Variants in ATP6V0E1 observed in about 807,000 individuals in gnomAD.
ATP6V0E1 encodes V-type proton ATPase subunit e 1.
A neutral mutation model predicts 11.6 loss-of-function variants in ATP6V0E1; 4 were observed. The observed-to-expected ratio is 0.35, with a 90% CI of 0.17 to 0.79. The LOEUF (loss-of-function observed/expected upper bound fraction) is 0.79. Ranked by LOEUF, ATP6V0E1 falls within the 30% of genes least tolerant of loss-of-function variation. The pLI is 0.54. For synonymous variants in ATP6V0E1, 36 were observed against 34.8 expected (o/e 1.04, Z -0.13); for missense variants, 105 against 100.0 (o/e 1.05, Z -0.21).
At chr5:172,986,190 T>C (rs1755894365) in intron 1 of ATP6V0E1, among the ~76,000 whole-genome samples, 1 of 152,242 alleles carries the variant, frequency 6.6e-6, no homozygotes, top group Non-Finnish European at 1.5e-5. Flanking sequence ...ATGGTGGACT[T>C]TAGAAACACT....
intron 1 of ATP6V0E1, among the ~76,000 whole-genome samples, chr5:172,992,106 A>C (rs1169071609): frequency 8.7e-5 from 13 of 149,490 alleles, no homozygotes; most frequent in Admixed American, 1.3e-4. Flanking sequence ...GCTGGAGTGC[A>C]GTGGCGCGAT....
Position 173,017,836 on chromosome 5 carries a change from T to G in ATP6V0E1, c.153-2402T>G, listed in dbSNP as rs546024313. 1.4e-4 allele frequency among the ~76,000 whole-genome samples: 19 copies of G among 133,652 alleles called. No homozygotes were observed. In the East Asian group the frequency reaches 3.5e-3, roughly 24 times the overall value. The allele number at this position is 133,652 out of a possible 152,430, so 87.7% of individuals were successfully genotyped here. A position where few individuals can be genotyped will look rare whatever the true frequency, so the allele number is the denominator to read the frequency against. ...AGCCTGGACAACAGAACGAGACTCC[T>G]TCTCAAAAAAAAAAAAAAAAAAAAG... On this transcript the variant is annotated intron_variant, in intron 2 of 3. Coordinates refer to ENST00000519374, the MANE Select transcript of ATP6V0E1 (RefSeq NM_003945.4).
chr5:173,028,119 G>T (rs1184727579), intron 3 of ATP6V0E1, among the ~76,000 whole-genome samples: 1 of 152,140 alleles, frequency 6.6e-6, no homozygotes, highest in Non-Finnish European at 1.5e-5. Flanking sequence ...ACTAAAGTTG[G>T]TTCTTTTAAA....
intron 2 of ATP6V0E1, among the ~76,000 whole-genome samples, chr5:173,008,042 C>G (rs1756255524): frequency 6.6e-6 from 1 of 152,190 alleles, no homozygotes; most frequent in Admixed American, 6.5e-5. Flanking sequence ...GTAGGCTTCA[C>G]CAGAGGTTCT....
chr5:172,983,847 C>T lies in ATP6V0E1; in HGVS notation c.-14C>T. 2 of 1,613,204 alleles carry T rather than the reference C, an allele frequency of 1.2e-6. No individual in the cohort carries two copies. Among genetic ancestry groups the T allele is most frequent in the Non-Finnish European group, 1.7e-6 (2 of 1,179,392 alleles). On this transcript the variant is annotated 5_prime_UTR_variant, in exon 1 of 4. Coordinates refer to ENST00000519374, the MANE Select transcript of ATP6V0E1 (RefSeq NM_003945.4). ...TGAGGCGACGGGGTAGGGGTTGGCG[C>T]TCAGGCGGCGACCATGGCGTATCAC...
intron 3 of ATP6V0E1, among the ~76,000 whole-genome samples, chr5:173,027,501 CAA>C (rs376278744): frequency 7.2e-6 from 1 of 139,312 alleles, no homozygotes. Context: ...GACTCCGTCT[CAA>C]AAAAAAAAAA....
chr5:172,983,830 C>T lies in ATP6V0E1; in HGVS notation c.-31C>T, dbSNP rs1215004295. On this transcript the variant is annotated 5_prime_UTR_variant, in exon 1 of 4. In the 5' UTR this introduces an upstream ATG that the reference lacks. Transcript: ENST00000519374. Reference sequence around the variant, plus strand: ...TCCTGGTGGGATCCGAGTGAGGCGACGGGGTAGGGGTTGGCGCTCAGGCGG... The same window carrying T: ...TCCTGGTGGGATCCGAGTGAGGCGATGGGGTAGGGGTTGGCGCTCAGGCGG... The T allele has an allele frequency of 4.4e-6, 7 of 1,601,496 alleles. No individual in the cohort carries two copies. The highest frequency in any genetic ancestry group is 1.7e-4 in the Middle Eastern group (1 of 5,882).
chr5:173,016,407 A>G (rs563504093), intron 2 of ATP6V0E1, among the ~76,000 whole-genome samples: 1 of 152,318 alleles, frequency 6.6e-6, no homozygotes, highest in South Asian at 2.1e-4. Context: ...AAAGGAGTCA[A>G]TGTTTTTTCC....
At position 172,983,888 on chromosome 5, in the gene ATP6V0E1, C is replaced by A; in HGVS notation, c.28C>A (p.Leu10Ile). 1.2e-6 allele frequency: 2 copies of A among 1,613,738 alleles called. No homozygotes were observed. Among genetic ancestry groups the A allele is most frequent in the East Asian group, 2.2e-5 (1 of 44,874 alleles). ...GGCGTATCACGGCCTCACTGTGCCT[C>A]TCATTGTGATGAGCGTGTTCTGGGG... is the stretch of plus-strand genomic sequence containing the variant. MAYHGLTVP[L>I]IVMSVFWGFV... Residue 10 changes from leucine to isoleucine, a missense_variant, in exon 1 of 4, where the codon CTC (leucine) becomes ATC (isoleucine). Physicochemically the swap from Leu to Ile is conservative, Grantham distance 5 (BLOSUM62 2). Transcript: ENST00000519374.
At chr5:172,987,717 A>ATT (rs111856900) in intron 1 of ATP6V0E1, among the ~76,000 whole-genome samples, 1 of 146,178 alleles carries the variant, frequency 6.8e-6, no homozygotes, top group African/African-American at 2.5e-5. Flanking sequence ...CAGCTATATA[A>ATT]TTTTTTTTTT....
At chr5:173,005,055 A>T (rs1374009963) in intron 2 of ATP6V0E1, among the ~76,000 whole-genome samples, 1 of 151,938 alleles carries the variant, frequency 6.6e-6, no homozygotes, top group Non-Finnish European at 1.5e-5. Context: ...TTGCAGAGTT[A>T]TGTTAAAATC....
chr5:173,025,790 G>A (rs1756550688), intron 3 of ATP6V0E1, among the ~76,000 whole-genome samples: 1 of 151,926 alleles, frequency 6.6e-6, no homozygotes, highest in Admixed American at 6.6e-5. Context: ...GGGCCTCCAT[G>A]CCCGGCAAAA....
chr5:173,028,055 C>A (rs1450980096), intron 3 of ATP6V0E1, among the ~76,000 whole-genome samples: 2 of 152,112 alleles, frequency 1.3e-5, no homozygotes, highest in Non-Finnish European at 2.9e-5. Flanking sequence ...TGACAGATTC[C>A]TCATGTTTTC....
intron 1 of ATP6V0E1, among the ~76,000 whole-genome samples, chr5:172,994,423 A>G (rs1756030807): frequency 6.6e-6 from 1 of 152,216 alleles, no homozygotes; most frequent in African/African-American, 2.4e-5. Flanking sequence ...TTTTAGAAGT[A>G]CAGTGTTAAT....
At chr5:173,034,270 CTG>C in intron 3 of ATP6V0E1, 127 bp from the exon 4 acceptor site, 1 of 668,768 alleles carries the variant, frequency 1.5e-6, no homozygotes, top group South Asian at 1.6e-5. Flanking sequence ...GTTGATTATC[CTG>C]TGTTTCATAT....
At chr5:173,003,584 C>A (rs1756189485) in intron 2 of ATP6V0E1, among the ~76,000 whole-genome samples, 1 of 152,076 alleles carries the variant, frequency 6.6e-6, no homozygotes, top group Non-Finnish European at 1.5e-5. Flanking sequence ...TGCATGCATG[C>A]CAGTGAGAGA....
chr5:173,012,094 C>T (rs967209081), intron 2 of ATP6V0E1, among the ~76,000 whole-genome samples: 5 of 150,832 alleles, frequency 3.3e-5, no homozygotes, highest in African/African-American at 7.3e-5. Context: ...TGCAGTGGCC[C>T]GATCTCAGCT....
chr5:172,988,699 GT>G (rs1163742880), intron 1 of ATP6V0E1, among the ~76,000 whole-genome samples: 1 of 151,352 alleles, frequency 6.6e-6, no homozygotes, highest in African/African-American at 2.4e-5. Context: ...GTGAGTTGGG[GT>G]TTTTTTTTGA....
intron 2 of ATP6V0E1, among the ~76,000 whole-genome samples, 197 bp from the exon 3 acceptor site, chr5:173,020,041 T>G (rs1310036709): frequency 6.6e-6 from 1 of 152,172 alleles, no homozygotes; most frequent in Non-Finnish European, 1.5e-5. Flanking sequence ...GTGATATGTC[T>G]CAAGATGAAG....
Sources: gnomAD v4.1 joint callset for allele counts (sites outside exome capture counted in the v4.1 genomes callset) on GRCh38, gnomAD v4.1.1 for gene constraint, MANE v1.5 for transcripts, NCBI Gene and HGNC (gene_info 2026-07-23, HGNC 2026-07-21) for gene names.